MAGI1: variants seen among roughly 807,000 people sequenced by gnomAD.
MAGI1 encodes membrane-associated guanylate kinase, WW and PDZ domain-containing protein 1.
A neutral mutation model predicts 139.9 loss-of-function variants in MAGI1; 58 were observed. The observed-to-expected ratio is 0.41, with a 90% CI of 0.34 to 0.52. The LOEUF is 0.52. Ranked by LOEUF, MAGI1 falls within the 20% of genes least tolerant of loss-of-function variation. The pLI, the probability that MAGI1 is intolerant of heterozygous loss-of-function variation, is 0.12. For synonymous variants in MAGI1, 812 were observed against 737.9 expected (o/e 1.10, Z -1.63); for missense variants, 1,874 against 1,901.6 (o/e 0.99, Z 0.27).
At chr3:66,007,385 G>A (rs369125156) in intron 1 of MAGI1, among the ~76,000 whole-genome samples, 3 of 152,220 alleles carry the variant, frequency 2.0e-5, no homozygotes, top group East Asian at 3.8e-4. Flanking sequence ...GAATTAGGAA[G>A]CCAAAAAGCA....
At chr3:65,936,573 T>C in intron 1 of MAGI1, among the ~76,000 whole-genome samples, 1 of 150,480 alleles carries the variant, frequency 6.6e-6, no homozygotes. Context: ...CCAGCCTGGG[T>C]GACAGAGACT....
chr3:65,553,611 C>A (rs867277233), intron 2 of MAGI1, among the ~76,000 whole-genome samples: 2 of 152,088 alleles, frequency 1.3e-5, no homozygotes, highest in Non-Finnish European at 2.9e-5. Context: ...ATTATCAGCC[C>A]TAATAACAGC....
At chr3:65,842,425 ATC>A (rs1057479858) in intron 1 of MAGI1, among the ~76,000 whole-genome samples, 1 of 151,052 alleles carries the variant, frequency 6.6e-6, no homozygotes, top group African/African-American at 2.4e-5. Context: ...CAATGGCGCA[ATC>A]TCGACTCACC....
intron 1 of MAGI1, among the ~76,000 whole-genome samples, chr3:65,766,239 G>A (rs975626296): frequency 1.3e-5 from 2 of 152,136 alleles, no homozygotes; most frequent in Non-Finnish European, 2.9e-5. Flanking sequence ...CAGAAATCGG[G>A]AGTTTAATAA....
At chr3:65,402,587 T>C (rs1372433632) in intron 12 of MAGI1, among the ~76,000 whole-genome samples, 1 of 152,182 alleles carries the variant, frequency 6.6e-6, no homozygotes, top group African/African-American at 2.4e-5. Flanking sequence ...TGGGATCTGG[T>C]GATGCTGCAC....
intron 1 of MAGI1, among the ~76,000 whole-genome samples, chr3:65,858,754 A>C (rs750179995): frequency 1.5e-4 from 23 of 152,228 alleles, no homozygotes; most frequent in Non-Finnish European, 2.8e-4. Flanking sequence ...ACATGGGGTG[A>C]AACCACAGTG....
intron 1 of MAGI1, among the ~76,000 whole-genome samples, chr3:65,652,688 C>T (rs2085651358): frequency 6.6e-6 from 1 of 152,122 alleles, no homozygotes; most frequent in South Asian, 2.1e-4. Flanking sequence ...ATGACTGTCA[C>T]CATTTAGCTT....
intron 1 of MAGI1, among the ~76,000 whole-genome samples, chr3:65,998,054 G>C (rs2066548237): frequency 1.3e-5 from 2 of 149,298 alleles, no homozygotes; most frequent in Non-Finnish European, 3.0e-5. Context: ...AGTGAGCCAA[G>C]ATTGCGCCAT....
At chr3:65,701,984 C>T (rs1047034472) in intron 1 of MAGI1, among the ~76,000 whole-genome samples, 1 of 152,100 alleles carries the variant, frequency 6.6e-6, no homozygotes, top group African/African-American at 2.4e-5. Flanking sequence ...TTCCCCGACG[C>T]TTGTTATTTT....
intron 1 of MAGI1, among the ~76,000 whole-genome samples, chr3:65,658,265 T>G (rs1165851320): frequency 7.5e-6 from 1 of 133,842 alleles, no homozygotes; most frequent in Non-Finnish European, 1.7e-5. Flanking sequence ...GTTCTCTTTA[T>G]AAATATCACT....
intron 1 of MAGI1, among the ~76,000 whole-genome samples, chr3:65,849,364 T>C (rs2059124979): frequency 6.6e-6 from 1 of 151,726 alleles, no homozygotes; most frequent in African/African-American, 2.4e-5. Context: ...ACCAGCAATG[T>C]TGGGTAGCCT....
At chr3:65,818,970 A>G (rs2041777898) in intron 1 of MAGI1, among the ~76,000 whole-genome samples, 1 of 152,212 alleles carries the variant, frequency 6.6e-6, no homozygotes, top group East Asian at 1.9e-4. Flanking sequence ...AGAAAAATTT[A>G]TAATTCTATC....
At chr3:65,501,058 C>T (rs1445010322) in intron 2 of MAGI1, among the ~76,000 whole-genome samples, 1 of 152,182 alleles carries the variant, frequency 6.6e-6, no homozygotes, top group Non-Finnish European at 1.5e-5. Flanking sequence ...ACCTCTCACA[C>T]AATTTTTGCC....
intron 1 of MAGI1, among the ~76,000 whole-genome samples, chr3:65,703,269 A>G (rs958433416): frequency 2.6e-5 from 4 of 152,236 alleles, no homozygotes; most frequent in East Asian, 1.9e-4. Context: ...GAACACCACA[A>G]GGGCATCTGC....
intron 1 of MAGI1, among the ~76,000 whole-genome samples, chr3:65,653,789 T>C (rs1431173596): frequency 2.0e-5 from 3 of 152,120 alleles, no homozygotes; most frequent in African/African-American, 7.2e-5. Context: ...ATTAACAAAA[T>C]TTCACTCTCT....
At chr3:65,802,288 G>A (rs2040562887) in intron 1 of MAGI1, among the ~76,000 whole-genome samples, 1 of 152,078 alleles carries the variant, frequency 6.6e-6, no homozygotes, top group African/African-American at 2.4e-5. Context: ...TATCAGAAAA[G>A]GTCTGAACAA....
intron 2 of MAGI1, among the ~76,000 whole-genome samples, chr3:65,507,560 C>T (rs1481488031): frequency 6.6e-6 from 1 of 152,128 alleles, no homozygotes; most frequent in East Asian, 1.9e-4. Context: ...CAGCAGATTC[C>T]TAGAAAACTA....
At chr3:65,675,761 T>C (rs1337898324) in intron 1 of MAGI1, among the ~76,000 whole-genome samples, 1 of 152,128 alleles carries the variant, frequency 6.6e-6, no homozygotes, top group Non-Finnish European at 1.5e-5. Context: ...CTGATAACAA[T>C]TGTCTTTGAT....
At chr3:65,680,278 C>T (rs936868536) in intron 1 of MAGI1, among the ~76,000 whole-genome samples, 4 of 152,302 alleles carry the variant, frequency 2.6e-5, no homozygotes, top group Non-Finnish European at 5.9e-5. Flanking sequence ...ACAAGCTATA[C>T]GGCACCATCT....
Sources: gnomAD v4.1 joint callset for allele counts (sites outside exome capture counted in the v4.1 genomes callset) on GRCh38, gnomAD v4.1.1 for gene constraint, MANE v1.5 for transcripts, NCBI Gene and HGNC (gene_info 2026-07-23, HGNC 2026-07-21) for gene names.